GABRB2: variants seen among roughly 807,000 people sequenced by gnomAD.
The protein encoded by GABRB2 is gamma-aminobutyric acid receptor subunit beta-2.
In GABRB2, 16 loss-of-function variants were observed where a neutral mutation model predicts 54.7. That is an observed-to-expected ratio of 0.29 (90% CI 0.20 to 0.44). The LOEUF (loss-of-function observed/expected upper bound fraction) is 0.44, where lower values mean the gene tolerates loss of function less well. Among genes scored for constraint, GABRB2 ranks in the 20% least tolerant of loss-of-function variants. GABRB2 has a pLI of 1.00. For synonymous variants in GABRB2, 244 were observed against 233.8 expected (o/e 1.04, Z -0.40); for missense variants, 355 against 644.0 (o/e 0.55, Z 4.86).
intron 5 of GABRB2, among the ~76,000 whole-genome samples, chr5:161,359,039 TG>T (rs1263647346): frequency 6.6e-6 from 1 of 152,128 alleles, no homozygotes; most frequent in Non-Finnish European, 1.5e-5. Flanking sequence ...TGAAAATCTG[TG>T]GGTGGCAACT....
chr5:161,366,450 A>G (rs765732492), intron 5 of GABRB2, among the ~76,000 whole-genome samples: 2 of 152,190 alleles, frequency 1.3e-5, no homozygotes, highest in Non-Finnish European at 2.9e-5. Context: ...AGAACCAATC[A>G]TTTGACATTA....
At chr5:161,402,250 A>G (rs1756219636) in intron 5 of GABRB2, among the ~76,000 whole-genome samples, 2 of 152,122 alleles carry the variant, frequency 1.3e-5, no homozygotes, top group African/African-American at 2.4e-5. Context: ...AAATGTAGAT[A>G]CTAGGGAGGA....
intron 9 of GABRB2, among the ~76,000 whole-genome samples, chr5:161,300,348 A>G (rs1757501632): frequency 6.6e-6 from 1 of 152,098 alleles, no homozygotes; most frequent in South Asian, 2.1e-4. Flanking sequence ...TTCTATTTTT[A>G]ATTTTTACTT....
intron 3 of GABRB2, among the ~76,000 whole-genome samples, chr5:161,537,315 G>A (rs949061342): frequency 3.9e-5 from 6 of 151,916 alleles, no homozygotes; most frequent in African/African-American, 1.2e-4. Context: ...TGCTCAGTTC[G>A]TCTCTCTATA....
At chr5:161,363,770 A>G (rs1176451949) in intron 5 of GABRB2, among the ~76,000 whole-genome samples, 15 of 152,176 alleles carry the variant, frequency 9.9e-5, no homozygotes. Context: ...AACACAAACT[A>G]TATTTACAAA....
chr5:161,426,535 T>A (rs2113160797), intron 4 of GABRB2, among the ~76,000 whole-genome samples: 1 of 152,060 alleles, frequency 6.6e-6, no homozygotes, highest in East Asian at 1.9e-4. Context: ...AAAACACACA[T>A]CTGTAATGCA....
chr5:161,514,157 G>A (rs138760425), intron 3 of GABRB2, among the ~76,000 whole-genome samples: 3 of 152,224 alleles, frequency 2.0e-5, no homozygotes, highest in Non-Finnish European at 4.4e-5. Flanking sequence ...TGACACTTTT[G>A]CTTAAATGGT....
intron 5 of GABRB2, among the ~76,000 whole-genome samples, chr5:161,350,212 G>A (rs1277340255): frequency 6.6e-6 from 1 of 152,030 alleles, no homozygotes; most frequent in Non-Finnish European, 1.5e-5. Flanking sequence ...AATTAGGCAA[G>A]AGAATATAAA....
In GABRB2 at chr5:161,336,780, A is replaced by G. The variant is rs10052441; in HGVS notation, c.542-11T>C. The G allele has an allele frequency of 0.078, 124,787 of 1,607,516 alleles. 5,435 individuals carry two copies. Among genetic ancestry groups the G allele is most frequent in the Middle Eastern group, 0.1 (611 of 6,048 alleles). The stretch of plus-strand genomic sequence containing the variant: ...CAGTTGTGTATCCATCTGTGAAAGG[A>G]AACATACACACACACACACACAAAT... On this transcript the variant is annotated splice_polypyrimidine_tract_variant and intron_variant, in intron 5 of 9. Coordinates refer to ENST00000393959, the MANE Select transcript of GABRB2 (RefSeq NM_001371727.1).
chr5:161,483,220 A>G (rs1018628652), intron 3 of GABRB2, among the ~76,000 whole-genome samples: 6 of 151,820 alleles, frequency 4.0e-5, no homozygotes, highest in Non-Finnish European at 7.4e-5. Context: ...ACCATTCCCA[A>G]CCTTTTATAA....
chr5:161,483,159 T>C (rs1484713184), intron 3 of GABRB2, among the ~76,000 whole-genome samples: 1 of 152,026 alleles, frequency 6.6e-6, no homozygotes, highest in Admixed American at 6.6e-5. Context: ...TAGTGGGGAA[T>C]TAGAATTCTT....
At position 161,440,214 on chromosome 5, in the gene GABRB2, C is replaced by T. The variant is rs140619966; in HGVS notation, c.458+19410G>A. Among the ~76,000 whole-genome samples the T allele has an allele frequency of 5.9e-3, 896 of 151,594 alleles. 7 individuals carry two copies. Among genetic ancestry groups the T allele is most frequent in the Non-Finnish European group, 8.0e-3 (542 of 67,844 alleles). ...CCATAAGCAACCAGAAAATAAATAA[C>T]AAAATGGTAGGAGTAAGTCTTTATT... On this transcript the variant is annotated intron_variant, in intron 4 of 9. Coordinates refer to ENST00000393959, the MANE Select transcript of GABRB2 (RefSeq NM_001371727.1).
intron 9 of GABRB2, among the ~76,000 whole-genome samples, chr5:161,313,607 A>C (rs1303232586): frequency 6.6e-6 from 1 of 151,870 alleles, no homozygotes; most frequent in Non-Finnish European, 1.5e-5. Flanking sequence ...AAAATGGGAA[A>C]AGTCAGAGTT....
chr5:161,410,677 T>C (rs1270411968), intron 5 of GABRB2, among the ~76,000 whole-genome samples: 2 of 152,184 alleles, frequency 1.3e-5, no homozygotes, highest in East Asian at 1.9e-4. Flanking sequence ...ACCAATTCCA[T>C]ATTTTAAATG....
At chr5:161,378,893 A>G (rs1755385335) in intron 5 of GABRB2, among the ~76,000 whole-genome samples, 1 of 152,178 alleles carries the variant, frequency 6.6e-6, no homozygotes, top group Non-Finnish European at 1.5e-5. Flanking sequence ...AAGGCAACAT[A>G]TGTTGCAAAG....
intron 4 of GABRB2, among the ~76,000 whole-genome samples, chr5:161,455,820 G>A (rs1757939128): frequency 6.6e-6 from 1 of 151,892 alleles, no homozygotes; most frequent in African/African-American, 2.4e-5. Flanking sequence ...GGCATGCCCA[G>A]ACCCAAATTT....
chr5:161,400,157 T>C (rs35821873), intron 5 of GABRB2, among the ~76,000 whole-genome samples: 3,361 of 152,312 alleles, frequency 0.022, 58 homozygotes, highest in Non-Finnish European at 0.034. Context: ...GGGCTGCAAC[T>C]ATCAAACAAA....
intron 5 of GABRB2, among the ~76,000 whole-genome samples, chr5:161,368,833 G>C: frequency 6.6e-6 from 1 of 152,136 alleles, no homozygotes; most frequent in Non-Finnish European, 1.5e-5. Flanking sequence ...TGGAAAGTGA[G>C]GTGTAATTTT....
At chr5:161,411,250 C>A (rs1231421311) in intron 4 of GABRB2, among the ~76,000 whole-genome samples, 193 bp from the exon 5 acceptor site, 1 of 152,186 alleles carries the variant, frequency 6.6e-6, no homozygotes, top group Non-Finnish European at 1.5e-5. Flanking sequence ...ACTAAATCTG[C>A]ATTTCCCAAA....
Sources: allele counts gnomAD v4.1 joint callset (sites outside exome capture counted in the v4.1 genomes callset), GRCh38; gene constraint gnomAD v4.1.1; transcripts MANE v1.5; gene names NCBI Gene and HGNC (gene_info 2026-07-23, HGNC 2026-07-21).